PIK3C2B: variants seen among roughly 807,000 people sequenced by gnomAD.
PIK3C2B encodes the protein phosphatidylinositol-4-phosphate 3-kinase catalytic subunit type 2 beta.
PIK3C2B carries 83 observed loss-of-function variants against 184.3 expected under a neutral mutation model. The observed-to-expected ratio is 0.45, with a 90% confidence interval of 0.38 to 0.54. The LOEUF is 0.54. PIK3C2B is among the 20% of genes least tolerant of loss of function. The pLI is 0.00. For missense variants in PIK3C2B, 1,736 were observed against 2,113.5 expected, an observed-to-expected ratio of 0.82 and a Z score of 3.50; for synonymous variants, 779 against 837.6, an observed-to-expected ratio of 0.93 and a Z score of 1.21.
rs775173821 is a variant in PIK3C2B, at chr1:204,469,844, G to A, written c.-42C>T. ...ACAGGCAACAAAGTCTCTACTTCCT[G>A]CCAACGTCAGTTCTGGAGGGTTGTG... On this transcript the variant is annotated 5_prime_UTR_variant, in exon 2 of 33. Transcript: ENST00000684373. The A allele has an allele frequency of 7.9e-6, 11 of 1,385,924 alleles. No individual in the cohort carries two copies. Among genetic ancestry groups the A allele is most frequent in the Admixed American group, 3.4e-5 (2 of 58,888 alleles). 85.9% of individuals were successfully genotyped at this position (1,385,924 alleles called of 1,614,324 possible).
At chr1:204,453,548 G>A (rs1654554937) in intron 12 of PIK3C2B, among the ~76,000 whole-genome samples, 3 of 152,082 alleles carry the variant, frequency 2.0e-5, no homozygotes, top group Admixed American at 1.3e-4. Flanking sequence ...AGTAGTATTC[G>A]AGACAGAGCT....
At chr1:204,479,759 T>C (rs757774206) in intron 1 of PIK3C2B, among the ~76,000 whole-genome samples, 6 of 152,220 alleles carry the variant, frequency 3.9e-5, no homozygotes, top group Non-Finnish European at 7.4e-5. Flanking sequence ...CCAGCCTCAG[T>C]TCAGCTTCCT....
Position 204,469,234 on chromosome 1 carries a change from T to C in PIK3C2B, c.569A>G (p.Asn190Ser). The C allele has an allele frequency of 6.3e-7, 1 of 1,596,396 alleles. No individual in the cohort carries two copies. Among genetic ancestry groups the C allele is most frequent in the Non-Finnish European group, 8.6e-7 (1 of 1,169,232 alleles). Residue 190 changes from asparagine to serine, a missense_variant, in exon 2 of 33, where the codon AAC becomes AGC. By Grantham distance (46) the Asn-to-Ser change is conservative. Coordinates refer to ENST00000684373, the MANE Select transcript of PIK3C2B (RefSeq NM_001377334.1). ...CAATTGTTCGACCAAAGAGAAAGTG[T>C]TGATGTCACTGGGCTGGGAGATCTT... Reference protein sequence around the residue: ...SSKISQPSDINTFSLVEQLPG... With the variant: ...SSKISQPSDISTFSLVEQLPG...
chr1:204,460,245 G>A, intron 7 of PIK3C2B, 79 bp downstream of exon 7: 1 of 1,208,554 alleles, frequency 8.3e-7, no homozygotes, highest in Non-Finnish European at 1.2e-6. Context: ...AGCCCTGACA[G>A]AAAGGCAAGC....
At chr1:204,439,541 G>A (rs1675531152) in intron 22 of PIK3C2B, among the ~76,000 whole-genome samples, 1 of 152,108 alleles carries the variant, frequency 6.6e-6, no homozygotes, top group South Asian at 2.1e-4. Flanking sequence ...AAGACACCAT[G>A]CCATTGTCAC....
chr1:204,449,465 C>G (rs1488405544), intron 13 of PIK3C2B, among the ~76,000 whole-genome samples, 169 bp from the exon 14 acceptor site: 2 of 152,212 alleles, frequency 1.3e-5, no homozygotes, highest in Non-Finnish European at 1.5e-5. Flanking sequence ...CCTGTAAAAG[C>G]TTACGCCCTC....
intron 31 of PIK3C2B, among the ~76,000 whole-genome samples, chr1:204,426,417 T>C (rs1329146122): frequency 2.6e-5 from 4 of 152,190 alleles, no homozygotes; most frequent in African/African-American, 9.7e-5. Context: ...TCCCTTTGCC[T>C]GGGAAAGTCT....
At chr1:204,457,593 T>C (rs1212014755) in intron 9 of PIK3C2B, 135 bp downstream of exon 9, 7 of 825,942 alleles carry the variant, frequency 8.5e-6, no homozygotes, top group Non-Finnish European at 1.3e-5. Context: ...TTGAATTCCT[T>C]AAACATAAAA....
At chr1:204,429,704 CA>C (rs1674936354) in intron 29 of PIK3C2B, among the ~76,000 whole-genome samples, 1 of 147,658 alleles carries the variant, frequency 6.8e-6, no homozygotes, top group Non-Finnish European at 1.5e-5. Flanking sequence ...TCGATGCATT[CA>C]CCTTTCTGTT....
intron 7 of PIK3C2B, among the ~76,000 whole-genome samples, 176 bp from the exon 8 acceptor site, chr1:204,460,117 C>G (rs1310591259): frequency 6.6e-6 from 1 of 152,184 alleles, no homozygotes; most frequent in Non-Finnish European, 1.5e-5. Context: ...TCTGCCACTT[C>G]TCGCCTGGAG....
intron 11 of PIK3C2B, among the ~76,000 whole-genome samples, chr1:204,455,207 T>C (rs2103496782): frequency 6.6e-6 from 1 of 152,310 alleles, no homozygotes; most frequent in African/African-American, 2.4e-5. Context: ...CTGTGGCTCA[T>C]GACAGGTGCC....
At chr1:204,464,318 C>G in intron 4 of PIK3C2B, 132 bp downstream of exon 4, 2 of 1,102,134 alleles carry the variant, frequency 1.8e-6, no homozygotes, top group Non-Finnish European at 2.6e-6. Context: ...ATAGCCAGCC[C>G]CTCACCCCCA....
At chr1:204,455,757 C>G (rs547950859) in intron 11 of PIK3C2B, 99 bp downstream of exon 11, 3 of 962,654 alleles carry the variant, frequency 3.1e-6, no homozygotes, top group Non-Finnish European at 4.6e-6. Flanking sequence ...GCCACACATC[C>G]TAAGACTTAG....
At chr1:204,456,424 A>G (rs914534284) in intron 10 of PIK3C2B, 1 of 170,276 alleles carries the variant, frequency 5.9e-6, no homozygotes, top group Non-Finnish European at 1.2e-5. Context: ...GGTCCCCCAA[A>G]TACTTTGGGG....
At chr1:204,431,412 T>C (rs1348567071) in intron 28 of PIK3C2B, 4 of 532,072 alleles carry the variant, frequency 7.5e-6, no homozygotes, top group South Asian at 4.7e-5. Flanking sequence ...TTTAAAAAAT[T>C]AGAAATTTTG....
At chr1:204,454,582 T>C (rs996106659) in intron 12 of PIK3C2B, 87 bp downstream of exon 12, 74 of 1,417,468 alleles carry the variant, frequency 5.2e-5, no homozygotes, top group Non-Finnish European at 6.7e-5. Context: ...TCATTAGTCC[T>C]GGACTAGTTA....
Position 204,469,827 on chromosome 1 carries a change from C to T in PIK3C2B, c.-25G>A. On this transcript the variant is annotated 5_prime_UTR_variant, in exon 2 of 33. Coordinates refer to ENST00000684373, the MANE Select transcript of PIK3C2B (RefSeq NM_001377334.1). ...TGGTGAGGATGGGGGACACAGGCAA[C>T]AAAGTCTCTACTTCCTGCCAACGTC... 1 of 1,543,774 alleles carries T rather than the reference C, an allele frequency of 6.5e-7. No individual in the cohort carries two copies. Among genetic ancestry groups the T allele is most frequent in the Non-Finnish European group, 9.0e-7 (1 of 1,116,442 alleles).
chr1:204,435,095 T>A (rs1466757946), intron 23 of PIK3C2B, among the ~76,000 whole-genome samples: 1 of 152,232 alleles, frequency 6.6e-6, no homozygotes, highest in Non-Finnish European at 1.5e-5. Flanking sequence ...CCAAATAAAA[T>A]TCCCATTTCC....
At position 204,433,719 on chromosome 1, in the gene PIK3C2B, G is replaced by A; in HGVS notation, c.3843+74C>T. 1 of 1,390,030 alleles carries A rather than the reference G, an allele frequency of 7.2e-7. No individual in the cohort carries two copies. Among genetic ancestry groups the A allele is most frequent in the South Asian group, 1.2e-5 (1 of 82,762 alleles). 86.1% of individuals were successfully genotyped at this position (1,390,030 alleles called of 1,614,324 possible). ...GGTAAATCTCTAGAAATCCTCTGCG[G>A]CAAGACAGGGAAGTCTTAAAGATGA... On this transcript the variant is annotated intron_variant, in intron 25 of 32. Transcript: ENST00000684373. The surrounding 1 kb of genome is among the most constrained non-coding windows in gnomAD (Gnocchi z 5.0).
Sources: gnomAD v4.1 joint callset for allele counts (sites outside exome capture counted in the v4.1 genomes callset) on GRCh38, gnomAD v4.1.1 for gene constraint, Gnocchi (gnomAD v3.1) non-coding constraint, MANE v1.5 for transcripts, NCBI Gene and HGNC (gene_info 2026-07-23, HGNC 2026-07-21) for gene names.